The following ANTXR1 variants were observed in gnomAD, a reference collection of about 807,000 sequenced individuals.
ANTXR1 encodes the protein ANTXR cell adhesion molecule 1.
In ANTXR1, 19 loss-of-function variants were observed where a neutral mutation model predicts 78.1. The observed-to-expected ratio is 0.24, with a 90% CI of 0.17 to 0.36. The LOEUF is 0.36. ANTXR1 is among the 10% of genes least tolerant of loss of function. ANTXR1 has a pLI of 1.00. For synonymous variants in ANTXR1, 273 were observed against 260.5 expected (o/e 1.05, Z -0.46); for missense variants, 518 against 718.6 (o/e 0.72, Z 3.19).
intron 9 of ANTXR1, among the ~76,000 whole-genome samples, chr2:69,091,203 G>A (rs972667595): frequency 6.6e-6 from 1 of 151,804 alleles, no homozygotes; most frequent in Non-Finnish European, 1.5e-5. Context: ...ACTTTGGGAG[G>A]CCAAGGCAGG....
intron 12 of ANTXR1, among the ~76,000 whole-genome samples, chr2:69,133,463 G>A (rs1672817895): frequency 6.6e-6 from 1 of 152,170 alleles, no homozygotes; most frequent in Non-Finnish European, 1.5e-5. Context: ...AAGGGAGATT[G>A]GAGACTCACC....
chr2:69,207,685 C>G (rs1050700043), intron 17 of ANTXR1, among the ~76,000 whole-genome samples: 2 of 152,148 alleles, frequency 1.3e-5, no homozygotes, highest in African/African-American at 4.8e-5. Flanking sequence ...CAGGATTTTT[C>G]TCGGCCAATT....
At chr2:69,060,852 T>C (rs1670214101) in intron 3 of ANTXR1, among the ~76,000 whole-genome samples, 1 of 152,164 alleles carries the variant, frequency 6.6e-6, no homozygotes, top group African/African-American at 2.4e-5. Context: ...AATAAAAATA[T>C]TTTGATAAGT....
chr2:69,041,976 C>G (rs1467908420), intron 2 of ANTXR1, among the ~76,000 whole-genome samples: 1 of 152,218 alleles, frequency 6.6e-6, no homozygotes, highest in East Asian at 1.9e-4. Context: ...TTGACAGTCA[C>G]AGCCCAAGTG....
At chr2:69,176,764 A>AATGTCATTTAAT (rs1016148645) in intron 14 of ANTXR1, among the ~76,000 whole-genome samples, 3 of 152,198 alleles carry the variant, frequency 2.0e-5, no homozygotes, top group Non-Finnish European at 4.4e-5. Context: ...TTTAAAATTA[A>AATGTCATTTAAT]TTTAAAAGCT....
chr2:69,115,466 A>T (rs77439811), intron 10 of ANTXR1, among the ~76,000 whole-genome samples: 4,972 of 152,326 alleles, frequency 0.033, 267 homozygotes, highest in African/African-American at 0.11. Flanking sequence ...TATCTTCTCA[A>T]TAAAATTTAC....
At chr2:69,131,032 C>T (rs986250486) in intron 12 of ANTXR1, among the ~76,000 whole-genome samples, 1 of 152,232 alleles carries the variant, frequency 6.6e-6, no homozygotes, top group Non-Finnish European at 1.5e-5. Flanking sequence ...ACAAATTAAA[C>T]ACATGAATTA....
intron 1 of ANTXR1, among the ~76,000 whole-genome samples, chr2:69,014,606 T>C (rs1670967252): frequency 6.6e-6 from 1 of 152,164 alleles, no homozygotes; most frequent in African/African-American, 2.4e-5. Context: ...TGCTATCTGC[T>C]GAAAACCAGC....
intron 17 of ANTXR1, 137 bp downstream of exon 17, chr2:69,193,552 T>C: frequency 1.3e-6 from 1 of 761,184 alleles, no homozygotes; most frequent in Non-Finnish European, 2.3e-6. Context: ...AAAACAGAGC[T>C]AGAATAACTC....
At chr2:69,018,160 C>T (rs1419740920) in intron 1 of ANTXR1, among the ~76,000 whole-genome samples, 1 of 152,146 alleles carries the variant, frequency 6.6e-6, no homozygotes, top group African/African-American at 2.4e-5. Context: ...CACAGCCTGT[C>T]ATTCATTTTC....
intron 17 of ANTXR1, among the ~76,000 whole-genome samples, chr2:69,242,156 AC>A (rs1255313803): frequency 6.6e-6 from 1 of 151,122 alleles, no homozygotes; most frequent in Non-Finnish European, 1.5e-5. Flanking sequence ...AGGAAGGAGG[AC>A]TCTTTGCCTC....
intron 16 of ANTXR1, among the ~76,000 whole-genome samples, chr2:69,185,491 G>T (rs888552273): frequency 6.6e-6 from 1 of 150,978 alleles, no homozygotes; most frequent in Non-Finnish European, 1.5e-5. Context: ...AGTGAGCTGA[G>T]ACTGTGCCAT....
chr2:69,204,594 A>G (rs776915495), intron 17 of ANTXR1, among the ~76,000 whole-genome samples: 4 of 152,128 alleles, frequency 2.6e-5, no homozygotes, highest in Non-Finnish European at 5.9e-5. Flanking sequence ...CAAGGTCACA[A>G]AGAGTGTTGG....
At chr2:69,148,603 G>C (rs917660932) in intron 12 of ANTXR1, among the ~76,000 whole-genome samples, 1 of 152,206 alleles carries the variant, frequency 6.6e-6, no homozygotes, top group Non-Finnish European at 1.5e-5. Context: ...AGAATTAAAT[G>C]AGTTAGCGTA....
chr2:69,215,846 A>G (rs1157112666), intron 17 of ANTXR1, among the ~76,000 whole-genome samples: 1 of 152,250 alleles, frequency 6.6e-6, no homozygotes, highest in East Asian at 1.9e-4. Context: ...TCACTTGGCT[A>G]CATTGCTTAA....
At chr2:69,062,715 TACTC>T (rs1293757151) in intron 3 of ANTXR1, among the ~76,000 whole-genome samples, 6 of 152,162 alleles carry the variant, frequency 3.9e-5, no homozygotes, top group Non-Finnish European at 8.8e-5. Context: ...AGAGGAATAT[TACTC>T]ACAATAAAGA....
At chr2:69,053,141 A>G (rs1310958944) in intron 3 of ANTXR1, among the ~76,000 whole-genome samples, 1 of 152,136 alleles carries the variant, frequency 6.6e-6, no homozygotes. Flanking sequence ...CTTCTTCCCA[A>G]CTGCTGAGAC....
intron 12 of ANTXR1, among the ~76,000 whole-genome samples, chr2:69,128,160 G>A (rs537767362): frequency 2.0e-5 from 3 of 151,886 alleles, no homozygotes; most frequent in South Asian, 2.1e-4. Flanking sequence ...GGGAGGCGGA[G>A]GTTGCAGTGA....
intron 17 of ANTXR1, among the ~76,000 whole-genome samples, chr2:69,196,985 T>C (rs569422249): frequency 1.3e-5 from 2 of 151,984 alleles, no homozygotes; most frequent in Non-Finnish European, 2.9e-5. Context: ...AGCCAGAGCC[T>C]AGAGCCACCG....
Sources: gnomAD v4.1 joint callset for allele counts (sites outside exome capture counted in the v4.1 genomes callset) on GRCh38, gnomAD v4.1.1 for gene constraint, MANE v1.5 for transcripts, NCBI Gene and HGNC (gene_info 2026-07-23, HGNC 2026-07-21) for gene names.